The following DNAH5 variants were observed in gnomAD, a reference collection of about 807,000 sequenced individuals.
The protein encoded by DNAH5 is axonemal beta dynein heavy chain 5.
A neutral mutation model predicts 518.2 loss-of-function variants in DNAH5; 372 were observed. The observed-to-expected ratio is 0.72, with a 90% CI of 0.66 to 0.78. DNAH5 has a LOEUF of 0.78. Ranked by LOEUF, DNAH5 falls within the 30% of genes least tolerant of loss-of-function variation. The pLI is 0.00. For missense variants in DNAH5, 5,523 were observed against 5,687.0 expected (o/e 0.97, Z 0.93); for synonymous variants, 2,039 against 2,025.9 (o/e 1.01, Z -0.17).
At chr5:13,748,185 T>C (rs1258699113) in intron 65 of DNAH5, among the ~76,000 whole-genome samples, 2 of 152,194 alleles carry the variant, frequency 1.3e-5, no homozygotes, top group African/African-American at 2.4e-5. Flanking sequence ...GATCAGATAG[T>C]TGTAGATGTG....
chr5:13,716,792 A>T, intron 73 of DNAH5, 102 bp from the exon 74 acceptor site: 1 of 813,776 alleles, frequency 1.2e-6, no homozygotes, highest in Non-Finnish European at 2.1e-6. Flanking sequence ...TCATTCAGTC[A>T]GTCACTCTTC....
chr5:13,989,767 G>GCCA (rs1783382015), intron 1 of DNAH5, among the ~76,000 whole-genome samples: 1 of 152,098 alleles, frequency 6.6e-6, no homozygotes, highest in African/African-American at 2.4e-5. Context: ...ACAGTCATGA[G>GCCA]CCACCACACC....
At chr5:13,871,875 T>C (rs971324000) in intron 22 of DNAH5, 110 bp from the exon 23 acceptor site, 1 of 971,758 alleles carries the variant, frequency 1.0e-6, no homozygotes, top group Non-Finnish European at 1.6e-6. Flanking sequence ...TTAAAATGTT[T>C]AGTGAACTGT....
intron 47 of DNAH5, among the ~76,000 whole-genome samples, chr5:13,798,735 A>AT (rs1370742742): frequency 8.7e-3 from 277 of 31,982 alleles, no homozygotes; most frequent in East Asian, 0.049. Context: ...TCATGATTTT[A>AT]TTTATTTTAT....
At chr5:13,949,902 T>A (rs551708208) in intron 1 of DNAH5, among the ~76,000 whole-genome samples, 68 of 152,302 alleles carry the variant, frequency 4.5e-4, no homozygotes, top group African/African-American at 1.5e-3. Flanking sequence ...GTTGCTTAGG[T>A]GGCCTCTGAT....
At chr5:13,899,970 C>T (rs1030423476) in intron 15 of DNAH5, 2 of 541,606 alleles carry the variant, frequency 3.7e-6, no homozygotes, top group African/African-American at 1.9e-5. Context: ...GCTCGAAATC[C>T]TCCAATGGTT....
At chr5:13,749,227 C>G (rs146123632) in intron 65 of DNAH5, among the ~76,000 whole-genome samples, 1 of 147,506 alleles carries the variant, frequency 6.8e-6, no homozygotes, top group Admixed American at 6.9e-5. Context: ...TAAAAGAAAA[C>G]GAGTGTCTGT....
At chr5:13,806,802 A>G (rs1055447020) in intron 47 of DNAH5, among the ~76,000 whole-genome samples, 1 of 150,340 alleles carries the variant, frequency 6.7e-6, no homozygotes, top group Non-Finnish European at 1.5e-5. Flanking sequence ...TTTCATTGGG[A>G]AAAAAAAATA....
At chr5:13,835,167 C>T (rs1209471333) in intron 35 of DNAH5, among the ~76,000 whole-genome samples, 2 of 151,988 alleles carry the variant, frequency 1.3e-5, no homozygotes, top group African/African-American at 2.4e-5. Context: ...CACCTGTAGT[C>T]CCAGCTACTC....
intron 55 of DNAH5, among the ~76,000 whole-genome samples, 154 bp downstream of exon 55, chr5:13,776,285 C>T (rs1319427491): frequency 1.3e-5 from 2 of 152,172 alleles, no homozygotes; most frequent in Admixed American, 6.5e-5. Flanking sequence ...AAAAAGAACA[C>T]AAATGCTGTC....
intron 29 of DNAH5, among the ~76,000 whole-genome samples, chr5:13,861,968 AAAAAAAAAC>A (rs1292545372): frequency 1.3e-5 from 2 of 151,282 alleles, no homozygotes; most frequent in Non-Finnish European, 3.0e-5. Flanking sequence ...AAAAAAAAAA[AAAAAAAAAC>A]AAGTTCAAAT....
In DNAH5 at chr5:13,917,129, A is replaced by G; in HGVS notation, c.1089+14T>C. ...GTTATCTATAGACTGAAAGAGTAGAAATCCTTAACTCACGGGATCACTGCT... is the reference window on the plus strand; with the variant it reads ...GTTATCTATAGACTGAAAGAGTAGAGATCCTTAACTCACGGGATCACTGCT... On this transcript the variant is annotated intron_variant, in intron 8 of 78. Transcript: ENST00000265104. The G allele has an allele frequency of 6.3e-7, 1 of 1,591,740 alleles. No homozygotes were observed. The highest frequency in any genetic ancestry group is 8.6e-7 in the Non-Finnish European group (1 of 1,159,838).
chr5:13,759,129 T>C (rs1751438330), intron 60 of DNAH5, 146 bp from the exon 61 acceptor site: 7 of 1,075,824 alleles, frequency 6.5e-6, no homozygotes, highest in Non-Finnish European at 8.4e-6. Context: ...CATTAAGTCC[T>C]GAACAAATCT....
chr5:13,912,351 A>G (rs1776088884), intron 11 of DNAH5, among the ~76,000 whole-genome samples: 1 of 152,114 alleles, frequency 6.6e-6, no homozygotes, highest in South Asian at 2.1e-4. Context: ...TTTACTAGAT[A>G]AAACAACCTA....
Position 13,885,430 on chromosome 5 carries a change from G to GA in DNAH5, c.2744-203dup, listed in dbSNP as rs145894548. ...GAGGAAATCAGGAACCAGAGGGACTGATGGAAGCATCTCCTTCTCAATACA... is the reference window on the plus strand; with the variant it reads ...GAGGAAATCAGGAACCAGAGGGACTGAATGGAAGCATCTCCTTCTCAATACA... On this transcript the variant is annotated intron_variant, in intron 18 of 78. Coordinates refer to ENST00000265104, the MANE Select transcript of DNAH5 (RefSeq NM_001369.3). 0.015 allele frequency among the ~76,000 whole-genome samples: 2,333 copies of GA among 152,334 alleles called. 64 individuals carry two copies. Among genetic ancestry groups the GA allele is most frequent in the African/African-American group, 0.052 (2,144 of 41,576 alleles).
chr5:13,692,642 T>G (rs1740847935), intron 78 of DNAH5, among the ~76,000 whole-genome samples: 2 of 152,352 alleles, frequency 1.3e-5, no homozygotes, highest in South Asian at 2.1e-4. Flanking sequence ...GTATTGTGAA[T>G]TCTCCATATA....
intron 32 of DNAH5, among the ~76,000 whole-genome samples, chr5:13,842,418 AAAAGAAAAG>A (rs1190716247): frequency 6.6e-5 from 8 of 121,848 alleles, no homozygotes; most frequent in African/African-American, 2.5e-4. Context: ...GAAAGAAAAG[AAAAGAAAAG>A]AAAGAAAGAA....
At chr5:13,984,789 T>C (rs1782919083) in intron 1 of DNAH5, among the ~76,000 whole-genome samples, 1 of 152,240 alleles carries the variant, frequency 6.6e-6, no homozygotes, top group South Asian at 2.1e-4. Context: ...GAGATAATCA[T>C]GTGGTTTTTG....
At chr5:13,734,470 G>A (rs374151446) in intron 68 of DNAH5, among the ~76,000 whole-genome samples, 17 of 152,256 alleles carry the variant, frequency 1.1e-4, no homozygotes, top group African/African-American at 3.1e-4. Flanking sequence ...ACACGGCTGT[G>A]AGCAATGCTT....
Sources: gnomAD v4.1 joint callset for allele counts (sites outside exome capture counted in the v4.1 genomes callset) on GRCh38, gnomAD v4.1.1 for gene constraint, MANE v1.5 for transcripts, NCBI Gene and HGNC (gene_info 2026-07-23, HGNC 2026-07-21) for gene names.